DLGAP4: variants seen among roughly 807,000 people sequenced by gnomAD.
DLGAP4 encodes the protein disks large-associated protein 4.
A neutral mutation model predicts 86.9 loss-of-function variants in DLGAP4; 18 were observed. The ratio of observed to expected loss-of-function variants is 0.21; its 90% CI spans 0.14 to 0.31. DLGAP4 has a LOEUF of 0.31. DLGAP4 is among the 10% of genes least tolerant of loss of function. The pLI is 1.00. For synonymous variants in DLGAP4, 548 were observed against 574.3 expected, an observed-to-expected ratio of 0.95 and a Z score of 0.65; for missense variants, 1,085 against 1,362.6, an observed-to-expected ratio of 0.80 and a Z score of 3.21.
At chr20:36,489,849 A>ATTC (rs1421714798) in intron 7 of DLGAP4, among the ~76,000 whole-genome samples, 5 of 144,996 alleles carry the variant, frequency 3.4e-5, no homozygotes, top group Admixed American at 6.9e-5. Context: ...GATGTTGCTA[A>ATTC]TTCTTCTTTT....
chr20:36,461,689 C>G (rs1278257778), intron 7 of DLGAP4: 1 of 292,176 alleles, frequency 3.4e-6, no homozygotes, highest in Non-Finnish European at 4.7e-6. Context: ...CCCTGCCCCG[C>G]CCCCGCCCTC....
At chr20:36,453,953 A>AG (rs1555904604) in intron 7 of DLGAP4, among the ~76,000 whole-genome samples, 106 of 148,072 alleles carry the variant, frequency 7.2e-4, no homozygotes, top group Middle Eastern at 3.5e-3. Flanking sequence ...AAAAAAAAAA[A>AG]AAAGAAAGAA....
At chr20:36,482,572 A>G (rs2035234829) in intron 7 of DLGAP4, among the ~76,000 whole-genome samples, 1 of 152,150 alleles carries the variant, frequency 6.6e-6, no homozygotes, top group South Asian at 2.1e-4. Flanking sequence ...AGCGGGCTGC[A>G]CATGTCAAGT....
chr20:36,347,104 G>C (rs1569465767), intron 1 of DLGAP4, among the ~76,000 whole-genome samples: 1 of 151,744 alleles, frequency 6.6e-6, no homozygotes, highest in Non-Finnish European at 1.5e-5. Flanking sequence ...AGAGTGCTCT[G>C]TCTGGTTGGG....
chr20:36,512,257 A>G (rs898355184), intron 10 of DLGAP4, among the ~76,000 whole-genome samples: 2 of 151,780 alleles, frequency 1.3e-5, no homozygotes, highest in Non-Finnish European at 2.9e-5. Context: ...TCACCGTGTT[A>G]GCCAGGATGG....
chr20:36,470,059 C>T (rs761165325), intron 7 of DLGAP4, among the ~76,000 whole-genome samples: 34 of 152,104 alleles, frequency 2.2e-4, no homozygotes, highest in Non-Finnish European at 4.0e-4. Flanking sequence ...GGACTCTGGC[C>T]CAGCCCCTTC....
intron 7 of DLGAP4, chr20:36,462,404 G>A (rs1440216264): frequency 7.5e-6 from 11 of 1,458,778 alleles, no homozygotes; most frequent in East Asian, 5.6e-5. Context: ...TGTGCCTCTT[G>A]CGCTGAAGGC....
chr20:36,391,535 G>GCCTT (rs1448510895), intron 2 of DLGAP4, among the ~76,000 whole-genome samples: 1 of 152,156 alleles, frequency 6.6e-6, no homozygotes, highest in Admixed American at 6.5e-5. Context: ...TTTTGGAATT[G>GCCTT]CCTTCTCTCT....
intron 7 of DLGAP4, chr20:36,492,946 G>C (rs1451563856): frequency 6.6e-6 from 1 of 152,050 alleles, no homozygotes; most frequent in Non-Finnish European, 1.5e-5. Context: ...AAACGTCCAG[G>C]TCTTGGTGGA....
chr20:36,509,627 G>A lies in DLGAP4; in HGVS notation c.2512+9016G>A, dbSNP rs952988088. ...TAGCTGAGCATTGTGGTGTACACCTGTAGTCCCAGTTACTCAGGAGACTAA... is the reference window on the plus strand; with the variant it reads ...TAGCTGAGCATTGTGGTGTACACCTATAGTCCCAGTTACTCAGGAGACTAA... On this transcript the variant is annotated intron_variant, in intron 10 of 12. Coordinates refer to ENST00000339266, the MANE Select transcript of DLGAP4 (RefSeq NM_001365621.2). 2.6e-5 allele frequency among the ~76,000 whole-genome samples: 4 copies of A among 152,186 alleles called. No homozygotes were observed. In the South Asian group the frequency reaches 6.2e-4, roughly 24 times the overall value.
chr20:36,495,867 G>GTGTTTGTT (rs751146631), intron 7 of DLGAP4, among the ~76,000 whole-genome samples: 1 of 152,022 alleles, frequency 6.6e-6, no homozygotes, highest in Admixed American at 6.6e-5. Flanking sequence ...GTTTGTTCAT[G>GTGTTTGTT]TGTTTGTTTG....
chr20:36,374,591 C>T (rs2031079601), intron 2 of DLGAP4, among the ~76,000 whole-genome samples: 1 of 152,180 alleles, frequency 6.6e-6, no homozygotes, highest in Admixed American at 6.5e-5. Context: ...CTCACTCTGC[C>T]TTGTGCTGGA....
intron 1 of DLGAP4, among the ~76,000 whole-genome samples, chr20:36,317,902 G>C (rs1261552936): frequency 1.3e-5 from 2 of 151,960 alleles, no homozygotes; most frequent in Non-Finnish European, 2.9e-5. Context: ...TGGTCTTCTG[G>C]ACAGATCAGG....
rs2037835868 is a variant in DLGAP4, at chr20:36,527,371, A to AACTC, written c.*343_*346dup. 5.1e-6 allele frequency: 1 copy of AACTC among 195,906 alleles called. No homozygotes were observed. Among genetic ancestry groups the AACTC allele is most frequent in the Non-Finnish European group, 1.1e-5 (1 of 94,930 alleles). The allele number at this position is 195,906 out of a possible 1,614,324, so 12.1% of individuals were successfully genotyped here. On this transcript the variant is annotated 3_prime_UTR_variant, in exon 13 of 13. Transcript: ENST00000339266. ...CTTTTTACTCGTTCTATCTGATGAGAACTCACACTAGCTTGTTTACAAGAT... is the reference window on the plus strand; with the variant it reads ...CTTTTTACTCGTTCTATCTGATGAGAACTCACTCACACTAGCTTGTTTACAAGAT...
intron 1 of DLGAP4, among the ~76,000 whole-genome samples, chr20:36,363,971 G>A (rs1395264976): frequency 6.6e-6 from 1 of 152,202 alleles, no homozygotes; most frequent in African/African-American, 2.4e-5. Flanking sequence ...GAAGGGTGCT[G>A]CAGGGCCAGG....
chr20:36,512,931 CTTTTTTTTTTTTTTTTTTTTTT>C (rs57978491), intron 10 of DLGAP4, among the ~76,000 whole-genome samples: 11 of 23,536 alleles, frequency 4.7e-4, no homozygotes, highest in South Asian at 3.3e-3. Context: ...CTCAGAGGCC[CTTTTTTTTTTTTTTTTTTTTTT>C]TTTTTTTTTT....
rs770139895 is a variant in DLGAP4, at chr20:36,446,872, T to C, written c.1583T>C (p.Val528Ala). 4.3e-6 allele frequency: 7 copies of C among 1,613,300 alleles called. No homozygotes were observed. Among genetic ancestry groups the C allele is most frequent in the Admixed American group, 1.7e-5 (1 of 60,004 alleles). The change falls in exon 7 of 13, where the codon GTC becomes GCC. Residue 528 changes from valine to alanine, a missense_variant. This residue lies in a region of DLGAP4 where 1,082 missense variants were observed against 1,344.1 expected (regional missense o/e 0.81). Coordinates refer to ENST00000339266, the MANE Select transcript of DLGAP4 (RefSeq NM_001365621.2). Reference sequence around the variant, plus strand: ...GGCTGCTCGCAGGAGGAGGACAGTGTCTCCCTGCAGTCCCTCTCCCCACCG... The same window carrying C: ...GGCTGCTCGCAGGAGGAGGACAGTGCCTCCCTGCAGTCCCTCTCCCCACCG... ...QAGCSQEEDS[V>A]SLQSLSPPPS... is the part of the protein sequence containing the mutation.
At chr20:36,316,638 G>C (rs1187128275) in intron 1 of DLGAP4, among the ~76,000 whole-genome samples, 5 of 152,186 alleles carry the variant, frequency 3.3e-5, no homozygotes, top group Non-Finnish European at 7.3e-5. Flanking sequence ...CCTGAGCATT[G>C]TTGAGCCTGG....
At chr20:36,521,524 C>G (rs760998739) in intron 10 of DLGAP4, among the ~76,000 whole-genome samples, 3 of 152,138 alleles carry the variant, frequency 2.0e-5, no homozygotes, top group Non-Finnish European at 2.9e-5. Context: ...TTTATTCCCC[C>G]CAGCTTAACT....
Sources: gnomAD v4.1 joint callset for allele counts (sites outside exome capture counted in the v4.1 genomes callset) on GRCh38, gnomAD v4.1.1 for gene constraint, gnomAD v4.1.1 regional missense constraint, MANE v1.5 for transcripts, NCBI Gene and HGNC (gene_info 2026-07-23, HGNC 2026-07-21) for gene names.